PHACTR1: variants seen among roughly 807,000 people sequenced by gnomAD.
PHACTR1 encodes the protein phosphatase and actin regulator 1.
Under a neutral mutation model 69.2 loss-of-function variants are expected in PHACTR1, and 16 were observed. The observed-to-expected ratio is 0.23, with a 90% CI of 0.16 to 0.35. The LOEUF (loss-of-function observed/expected upper bound fraction) is 0.35. PHACTR1 is among the 10% of genes least tolerant of loss of function. PHACTR1 has a pLI of 1.00. For synonymous variants in PHACTR1, 312 were observed against 284.5 expected (o/e 1.10, Z -0.97); for missense variants, 510 against 734.7 (o/e 0.69, Z 3.54).
intron 8 of PHACTR1, among the ~76,000 whole-genome samples, chr6:13,215,847 G>A (rs1231013306): frequency 6.6e-6 from 1 of 152,134 alleles, no homozygotes; most frequent in Non-Finnish European, 1.5e-5. Flanking sequence ...TGTTAACATG[G>A]ATAAGCCAGT....
At chr6:12,798,066 A>ACACACACACACACACT (rs1449515796) in intron 4 of PHACTR1, among the ~76,000 whole-genome samples, 99 of 151,622 alleles carry the variant, frequency 6.5e-4, no homozygotes, top group Non-Finnish European at 1.2e-3. Flanking sequence ...ACACACACAC[A>ACACACACACACACACT]CACCCCTACA....
chr6:12,794,261 G>T (rs991481308), intron 4 of PHACTR1, among the ~76,000 whole-genome samples: 4 of 152,208 alleles, frequency 2.6e-5, no homozygotes, highest in African/African-American at 7.2e-5. Context: ...CTATGAACAG[G>T]TGACTATGAT....
chr6:12,850,916 C>G (rs1272169277), intron 4 of PHACTR1, among the ~76,000 whole-genome samples: 1 of 152,138 alleles, frequency 6.6e-6, no homozygotes, highest in African/African-American at 2.4e-5. Context: ...CTCCCAAGAC[C>G]CTGTTTCCAA....
chr6:12,983,397 C>T (rs547776397), intron 4 of PHACTR1, among the ~76,000 whole-genome samples: 5 of 152,062 alleles, frequency 3.3e-5, no homozygotes, highest in South Asian at 4.2e-4. Context: ...AAGTAGAGGG[C>T]GGGAAGAGCA....
chr6:13,262,718 AT>A (rs1327087350), intron 10 of PHACTR1, among the ~76,000 whole-genome samples: 1 of 151,934 alleles, frequency 6.6e-6, no homozygotes, highest in Non-Finnish European at 1.5e-5. Flanking sequence ...CACCAAGCCC[AT>A]CTACACTTCT....
At chr6:13,279,031 C>CT (rs5874408) in intron 12 of PHACTR1, among the ~76,000 whole-genome samples, 75,118 of 139,032 alleles carry the variant, frequency 0.54, 20,506 homozygotes, top group Middle Eastern at 0.6. Context: ...AAAGTATAGA[C>CT]TTTTTTTTTT....
intron 5 of PHACTR1, among the ~76,000 whole-genome samples, chr6:13,129,174 A>G (rs1820006178): frequency 6.6e-6 from 1 of 152,158 alleles, no homozygotes; most frequent in Admixed American, 6.5e-5. Flanking sequence ...TTGAAACAAA[A>G]CCTCAAAATA....
chr6:12,871,299 C>T (rs1781998697), intron 4 of PHACTR1, among the ~76,000 whole-genome samples: 1 of 152,068 alleles, frequency 6.6e-6, no homozygotes, highest in Non-Finnish European at 1.5e-5. Context: ...AGTCCCAGCC[C>T]CACCCTAAAA....
At chr6:12,890,650 T>G (rs1475662594) in intron 4 of PHACTR1, among the ~76,000 whole-genome samples, 1 of 152,144 alleles carries the variant, frequency 6.6e-6, no homozygotes, top group Admixed American at 6.6e-5. Context: ...TTGCCTGGAG[T>G]GATCTTCCTT....
chr6:12,901,807 A>ATATAAGCTTTC (rs1338709068), intron 4 of PHACTR1, among the ~76,000 whole-genome samples: 3 of 152,144 alleles, frequency 2.0e-5, no homozygotes, highest in Non-Finnish European at 4.4e-5. Flanking sequence ...AAGCGTTTTT[A>ATATAAGCTTTC]TATAAGCTTT....
intron 10 of PHACTR1, among the ~76,000 whole-genome samples, chr6:13,237,267 C>T (rs2127360979): frequency 6.6e-6 from 1 of 152,048 alleles, no homozygotes; most frequent in African/African-American, 2.4e-5. Context: ...GTCCCAGCTG[C>T]TTGGGAGGCT....
intron 5 of PHACTR1, among the ~76,000 whole-genome samples, chr6:13,146,220 G>C (rs962739832): frequency 1.3e-5 from 2 of 152,190 alleles, no homozygotes; most frequent in African/African-American, 4.8e-5. Context: ...AAAGCACAGA[G>C]TGCATGGTTC....
At chr6:13,258,129 G>A (rs1775427515) in intron 10 of PHACTR1, among the ~76,000 whole-genome samples, 1 of 152,156 alleles carries the variant, frequency 6.6e-6, no homozygotes, top group African/African-American at 2.4e-5. Context: ...AGCCCGAGGT[G>A]GATGGATCAC....
chr6:12,957,010 C>G (rs1348670136), intron 4 of PHACTR1, among the ~76,000 whole-genome samples: 1 of 132,578 alleles, frequency 7.5e-6, no homozygotes, highest in Non-Finnish European at 1.5e-5. Context: ...AGGGAAGGTT[C>G]AAGGAAAGTT....
At chr6:13,055,486 A>G (rs2127740330) in intron 5 of PHACTR1, among the ~76,000 whole-genome samples, 1 of 152,374 alleles carries the variant, frequency 6.6e-6, no homozygotes, top group Non-Finnish European at 1.5e-5. Flanking sequence ...ACACTGAAAC[A>G]AGAAAGAAAA....
intron 4 of PHACTR1, among the ~76,000 whole-genome samples, chr6:12,995,410 C>A (rs1001136903): frequency 6.6e-6 from 1 of 151,764 alleles, no homozygotes; most frequent in Admixed American, 6.6e-5. Flanking sequence ...AACTTCTCTG[C>A]TCAAAGTAGA....
intron 4 of PHACTR1, among the ~76,000 whole-genome samples, chr6:12,824,632 G>A (rs1330551726): frequency 6.6e-6 from 1 of 152,194 alleles, no homozygotes; most frequent in African/African-American, 2.4e-5. Flanking sequence ...AGAAAGGCAT[G>A]GAGGCTAGAA....
intron 6 of PHACTR1, among the ~76,000 whole-genome samples, chr6:13,176,496 G>A (rs1761340841): frequency 6.6e-6 from 1 of 152,072 alleles, no homozygotes; most frequent in Non-Finnish European, 1.5e-5. Flanking sequence ...CTTCCTACTT[G>A]GAAGAGTATG....
chr6:12,748,303 G>C (rs1407163427), intron 3 of PHACTR1, among the ~76,000 whole-genome samples: 4 of 152,176 alleles, frequency 2.6e-5, no homozygotes, highest in Non-Finnish European at 5.9e-5. Context: ...AATGAGAAAA[G>C]GCAAGTGGAG....
Sources: allele counts gnomAD v4.1 joint callset (sites outside exome capture counted in the v4.1 genomes callset), GRCh38; gene constraint gnomAD v4.1.1; transcripts MANE v1.5; gene names NCBI Gene and HGNC (gene_info 2026-07-23, HGNC 2026-07-21).